The following ELP4 variants were observed in gnomAD, a reference collection of about 807,000 sequenced individuals.
The protein encoded by ELP4 is elongator complex protein 4.
ELP4 carries 51 observed loss-of-function variants against 48.9 expected under a neutral mutation model. That is an observed-to-expected ratio of 1.04 (90% CI 0.83 to 1.32). The LOEUF (loss-of-function observed/expected upper bound fraction) is 1.32, where lower values mean the gene tolerates loss of function less well. Among genes scored for constraint, ELP4 ranks in the 40% most tolerant of loss-of-function variants. ELP4 has a pLI of 0.00. For synonymous variants in ELP4, 210 were observed against 189.2 expected, an observed-to-expected ratio of 1.11 and a Z score of -0.90; for missense variants, 519 against 514.6, an observed-to-expected ratio of 1.01 and a Z score of -0.08.
In ELP4 at chr11:31,789,804, A is replaced by C; in HGVS notation, c.*6280A>C. ...CTTCCCCAGTGGTACAATACAGGAC[A>C]CAATTGTAGAACTGAAGCGGCTCTA... On this transcript the variant is annotated 3_prime_UTR_variant, in exon 10 of 10. Transcript: ENST00000640961. The C allele has an allele frequency of 1.2e-6, 1 of 810,442 alleles. No individual in the cohort carries two copies. Among genetic ancestry groups the C allele is most frequent in the Non-Finnish European group, 2.1e-6 (1 of 473,470 alleles). The allele number at this position is 810,442 out of a possible 1,614,324, so 50.2% of individuals were successfully genotyped here. A position where few individuals can be genotyped will look rare whatever the true frequency, so the allele number is the denominator to read the frequency against.
At chr11:31,607,439 A>G (rs1305284390) in intron 5 of ELP4, among the ~76,000 whole-genome samples, 2 of 152,212 alleles carry the variant, frequency 1.3e-5, no homozygotes, top group Non-Finnish European at 2.9e-5. Flanking sequence ...TGCATTCTCC[A>G]AAGGAGAGAA....
At chr11:31,742,039 A>G (rs191395312) in intron 9 of ELP4, among the ~76,000 whole-genome samples, 4 of 152,340 alleles carry the variant, frequency 2.6e-5, no homozygotes, top group Admixed American at 2.6e-4. Flanking sequence ...ACCAACGCAG[A>G]AAAGTCCTTA....
chr11:31,574,890 G>T (rs1172262637), intron 3 of ELP4, among the ~76,000 whole-genome samples: 1 of 152,198 alleles, frequency 6.6e-6, no homozygotes, highest in African/African-American at 2.4e-5. Context: ...TCCTCCAAAG[G>T]AATGCAGCTC....
At chr11:31,520,177 A>G (rs1956189695) in intron 2 of ELP4, 86 bp downstream of exon 2, 1 of 1,151,786 alleles carries the variant, frequency 8.7e-7, no homozygotes, top group East Asian at 2.5e-5. Context: ...TTCCAAAATT[A>G]TTTAAATCAC....
At chr11:31,643,273 C>T (rs1284246648) in intron 7 of ELP4, among the ~76,000 whole-genome samples, 1 of 151,668 alleles carries the variant, frequency 6.6e-6, no homozygotes, top group Non-Finnish European at 1.5e-5. Context: ...AATGAGAGCT[C>T]TTCCTTTCAT....
chr11:31,544,622 CCT>C (rs1049956551), intron 3 of ELP4, among the ~76,000 whole-genome samples: 4 of 152,198 alleles, frequency 2.6e-5, no homozygotes, highest in African/African-American at 9.6e-5. Flanking sequence ...CTTAAATGTC[CCT>C]GTCTGACAGC....
chr11:31,695,667 T>G (rs1178524023), intron 9 of ELP4, among the ~76,000 whole-genome samples: 2 of 151,014 alleles, frequency 1.3e-5, no homozygotes, highest in Admixed American at 6.6e-5. Context: ...GGTATCAGGA[T>G]GATGCTGGCC....
intron 3 of ELP4, among the ~76,000 whole-genome samples, chr11:31,548,253 A>C (rs1956771861): frequency 6.6e-6 from 1 of 152,212 alleles, no homozygotes; most frequent in African/African-American, 2.4e-5. Flanking sequence ...TCTCAGCCCA[A>C]AATCTCCTTA....
At chr11:31,653,402 C>A (rs1945362732) in intron 9 of ELP4, 1 of 151,712 alleles carries the variant, frequency 6.6e-6, no homozygotes, top group Admixed American at 6.6e-5. Flanking sequence ...TTGATCTTAA[C>A]CAGATCGAAT....
intron 9 of ELP4, among the ~76,000 whole-genome samples, chr11:31,668,729 CTG>C (rs1945739393): frequency 1.3e-5 from 1 of 76,992 alleles, no homozygotes; most frequent in South Asian, 4.8e-4. Context: ...TGTAAGAACC[CTG>C]TAGAGAGAAA....
chr11:31,609,585 G>A lies in ELP4; in HGVS notation c.653+5678G>A, dbSNP rs145725023. On this transcript the variant is annotated intron_variant, in intron 5 of 9. Transcript: ENST00000640961. ...TATGGGTTGCTTTGTTAAGGCCTGC[G>A]ATGAGACAAGTAGTCATATGGTTAT... Among the ~76,000 whole-genome samples the A allele has an allele frequency of 1.1e-4, 16 of 152,160 alleles. No individual in the cohort carries two copies. The East Asian group carries it at 2.5e-3, about 24-fold the overall frequency.
At chr11:31,760,860 A>G (rs1317731071) in intron 9 of ELP4, among the ~76,000 whole-genome samples, 1 of 152,228 alleles carries the variant, frequency 6.6e-6, no homozygotes, top group African/African-American at 2.4e-5. Context: ...TGCTTTCTCA[A>G]TCCAAAAATA....
chr11:31,634,989 C>T (rs943733641), intron 7 of ELP4, among the ~76,000 whole-genome samples: 17 of 151,830 alleles, frequency 1.1e-4, no homozygotes, highest in African/African-American at 4.1e-4. Flanking sequence ...AGTCTTCTGG[C>T]CCTAATACCA....
intron 3 of ELP4, among the ~76,000 whole-genome samples, chr11:31,565,155 G>T (rs1050103316): frequency 5.3e-5 from 8 of 152,242 alleles, no homozygotes; most frequent in East Asian, 1.9e-4. Context: ...TCATGTGTCT[G>T]TTGGTTGCAT....
chr11:31,570,904 A>G (rs1342563101), intron 3 of ELP4, among the ~76,000 whole-genome samples: 1 of 143,386 alleles, frequency 7.0e-6, no homozygotes, highest in Admixed American at 7.5e-5. Context: ...GGTTCAAGCG[A>G]TTGTTCTGCC....
chr11:31,515,033 G>GTA (rs10676705), intron 1 of ELP4, among the ~76,000 whole-genome samples: 30,460 of 133,462 alleles, frequency 0.23, 3,513 homozygotes, highest in South Asian at 0.29. Context: ...GTGTGTGTGT[G>GTA]TATATATATA....
intron 2 of ELP4, among the ~76,000 whole-genome samples, chr11:31,535,382 C>T (rs1362581534): frequency 1.3e-5 from 2 of 151,964 alleles, no homozygotes; most frequent in Non-Finnish European, 1.5e-5. Flanking sequence ...TCGTTCTGTT[C>T]CCCAGGCTGG....
chr11:31,548,527 G>T lies in ELP4; in HGVS notation c.381+8744G>T, dbSNP rs538984841. 1.9e-4 allele frequency among the ~76,000 whole-genome samples: 29 copies of T among 152,252 alleles called. No individual in the cohort carries two copies. In the East Asian group the frequency reaches 5.4e-3, roughly 28 times the overall value. On this transcript the variant is annotated intron_variant, in intron 3 of 9. Coordinates refer to ENST00000640961, the MANE Select transcript of ELP4 (RefSeq NM_019040.5). ...AAGAATATTCCATGCTCATGGGTAG[G>T]AAGAATCAATATCGTGAAAATGGCC...
chr11:31,747,595 C>G (rs570506645), intron 9 of ELP4, among the ~76,000 whole-genome samples: 2 of 152,004 alleles, frequency 1.3e-5, no homozygotes, highest in Non-Finnish European at 2.9e-5. Flanking sequence ...CTGTGGTCAC[C>G]CAAAAGAGAT....
Sources: gnomAD v4.1 joint callset for allele counts (sites outside exome capture counted in the v4.1 genomes callset) on GRCh38, gnomAD v4.1.1 for gene constraint, MANE v1.5 for transcripts, NCBI Gene and HGNC (gene_info 2026-07-23, HGNC 2026-07-21) for gene names.